The following ARHGAP15 variants were observed in gnomAD, a reference collection of about 807,000 sequenced individuals.
The protein encoded by ARHGAP15 is Rho GTPase activating protein 15, also known as rho GTPase-activating protein 15.
In ARHGAP15, 51 loss-of-function variants were observed where a neutral mutation model predicts 63.7. That is an observed-to-expected ratio of 0.80 (90% CI 0.64 to 1.01). The LOEUF is 1.01. ARHGAP15 is among the 50% of genes least tolerant of loss of function. ARHGAP15 has a pLI of 0.00. For missense variants in ARHGAP15, 560 were observed against 564.6 expected (o/e 0.99, Z 0.08); for synonymous variants, 191 against 193.8 (o/e 0.99, Z 0.12).
At chr2:143,674,015 A>T (rs1682701679) in intron 12 of ARHGAP15, among the ~76,000 whole-genome samples, 1 of 151,898 alleles carries the variant, frequency 6.6e-6, no homozygotes, top group Non-Finnish European at 1.5e-5. Context: ...TGGTGAAAAT[A>T]ATGAGCAACT....
At chr2:143,674,562 A>C (rs1458942918) in intron 12 of ARHGAP15, among the ~76,000 whole-genome samples, 1 of 152,184 alleles carries the variant, frequency 6.6e-6, no homozygotes. Flanking sequence ...GAGGGCCTAC[A>C]TTTATCAAAA....
intron 5 of ARHGAP15, chr2:143,235,911 GACTCCTAAGTACCTGCTGT>G (rs1693623991): frequency 5.9e-6 from 9 of 1,529,988 alleles, no homozygotes; most frequent in Middle Eastern, 1.7e-4. Flanking sequence ...TTTGCAGCTT[GACTCCTAAGTACCTGCTGT>G]ACTTTGTGAT....
At chr2:143,638,683 A>G (rs1325664393) in intron 12 of ARHGAP15, among the ~76,000 whole-genome samples, 7 of 110,610 alleles carry the variant, frequency 6.3e-5, no homozygotes, top group African/African-American at 9.4e-5. Context: ...AGAAAAAAAA[A>G]TATTAAAAAA....
At chr2:143,727,771 T>G (rs1039462011) in intron 13 of ARHGAP15, among the ~76,000 whole-genome samples, 1 of 152,210 alleles carries the variant, frequency 6.6e-6, no homozygotes, top group Admixed American at 6.5e-5. Context: ...ATATGCATAT[T>G]ATGACAATGT....
At chr2:143,413,966 T>TGTGCACGCGCGCGC in intron 6 of ARHGAP15, among the ~76,000 whole-genome samples, 106 of 117,924 alleles carry the variant, frequency 9.0e-4, no homozygotes, top group Middle Eastern at 4.0e-3. Context: ...TGTGTGTGTG[T>TGTGCACGCGCGCGC]GCGCGCTCTC....
chr2:143,688,721 G>T (rs977296254), intron 12 of ARHGAP15, among the ~76,000 whole-genome samples: 3 of 152,148 alleles, frequency 2.0e-5, no homozygotes, highest in Non-Finnish European at 4.4e-5. Context: ...ACAATTTTGA[G>T]TATGCACACA....
chr2:143,449,601 G>A (rs963796737), intron 8 of ARHGAP15, among the ~76,000 whole-genome samples: 5 of 152,144 alleles, frequency 3.3e-5, no homozygotes, highest in East Asian at 3.9e-4. Context: ...CCTGCCAAAA[G>A]AATCAAGGCC....
chr2:143,715,081 G>GA (rs200208687), intron 13 of ARHGAP15, among the ~76,000 whole-genome samples: 174 of 148,522 alleles, frequency 1.2e-3, no homozygotes, highest in East Asian at 3.9e-3. Flanking sequence ...TCAAGACTGG[G>GA]AAAAAAAAAA....
chr2:143,305,242 C>T (rs1159346161), intron 6 of ARHGAP15: 4 of 147,744 alleles, frequency 2.7e-5, no homozygotes, highest in African/African-American at 7.5e-5. Flanking sequence ...AAACAAAACA[C>T]TGCAAGTTCT....
chr2:143,202,816 A>C (rs1369005856), intron 3 of ARHGAP15, among the ~76,000 whole-genome samples: 1 of 152,080 alleles, frequency 6.6e-6, no homozygotes, highest in African/African-American at 2.4e-5. Context: ...TCGACTCAAC[A>C]TCCGTAAGAA....
At chr2:143,157,903 G>T (rs1690143911) in intron 2 of ARHGAP15, among the ~76,000 whole-genome samples, 1 of 151,798 alleles carries the variant, frequency 6.6e-6, no homozygotes, top group South Asian at 2.1e-4. Context: ...GAAGAGATGG[G>T]TACTAAAAAT....
At chr2:143,490,968 A>G (rs1361577150) in intron 9 of ARHGAP15, among the ~76,000 whole-genome samples, 1 of 152,202 alleles carries the variant, frequency 6.6e-6, no homozygotes, top group Non-Finnish European at 1.5e-5. Flanking sequence ...AGAGAAGTAC[A>G]TATTAAGATA....
intron 13 of ARHGAP15, chr2:143,741,432 T>C (rs940092918): frequency 6.6e-6 from 1 of 152,210 alleles, no homozygotes; most frequent in Non-Finnish European, 1.5e-5. Flanking sequence ...TTTAGAGCTA[T>C]ATGTGATCCC....
chr2:143,731,056 T>C (rs1018937578), intron 13 of ARHGAP15, among the ~76,000 whole-genome samples: 1 of 151,860 alleles, frequency 6.6e-6, no homozygotes, highest in African/African-American at 2.4e-5. Flanking sequence ...ACTTTTATCC[T>C]CATTTTTAAG....
chr2:143,657,664 G>C (rs1013242877), intron 12 of ARHGAP15, among the ~76,000 whole-genome samples: 13 of 152,168 alleles, frequency 8.5e-5, no homozygotes, highest in Non-Finnish European at 1.5e-5. Context: ...ATTTTACCTT[G>C]AAAATGAGTA....
chr2:143,553,972 C>T (rs1241536354), intron 10 of ARHGAP15, among the ~76,000 whole-genome samples: 8 of 152,050 alleles, frequency 5.3e-5, no homozygotes. Flanking sequence ...AAGTAAGGCC[C>T]TTATTTGCAA....
At chr2:143,752,036 T>G (rs1287310316) in intron 13 of ARHGAP15, among the ~76,000 whole-genome samples, 2 of 152,186 alleles carry the variant, frequency 1.3e-5, no homozygotes, top group African/African-American at 4.8e-5. Flanking sequence ...GACTGCCCAT[T>G]TATTTTGTTC....
chr2:143,644,153 G>A lies in ARHGAP15; in HGVS notation c.1138+19886G>A, dbSNP rs369405086. Among the ~76,000 whole-genome samples, 7 of 152,206 alleles carry A rather than the reference G, an allele frequency of 4.6e-5. No individual in the cohort carries two copies. In the East Asian group the frequency reaches 9.7e-4, roughly 21 times the overall value. On this transcript the variant is annotated intron_variant, in intron 12 of 13. Transcript: ENST00000295095. ...AAGATCCGAAGACCTAGGGAAAACT[G>A]TGCATTTTTATGTTAAGGTTTGATA...
At chr2:143,148,180 C>T (rs1054606400) in intron 1 of ARHGAP15, among the ~76,000 whole-genome samples, 3 of 151,978 alleles carry the variant, frequency 2.0e-5, no homozygotes, top group African/African-American at 7.2e-5. Flanking sequence ...TCTTGATATC[C>T]CCTCTCTGCC....
Sources: gnomAD v4.1 joint callset for allele counts (sites outside exome capture counted in the v4.1 genomes callset) on GRCh38, gnomAD v4.1.1 for gene constraint, MANE v1.5 for transcripts, NCBI Gene and HGNC (gene_info 2026-07-23, HGNC 2026-07-21) for gene names.